The following ADH6 variants were observed in gnomAD, a reference collection of about 807,000 sequenced individuals.
ADH6 encodes the protein alcohol dehydrogenase 6 (class V), also known as alcohol dehydrogenase 6.
A neutral mutation model predicts 36.5 loss-of-function variants in ADH6; 34 were observed. That is an observed-to-expected ratio of 0.93 (90% CI 0.71 to 1.24). The LOEUF (loss-of-function observed/expected upper bound fraction) is 1.24. Among genes scored for constraint, ADH6 ranks in the 50% most tolerant of loss-of-function variants. The pLI, the probability that ADH6 is intolerant of heterozygous loss-of-function variation, is 0.00. For synonymous variants in ADH6, 161 were observed against 155.5 expected (o/e 1.04, Z -0.26); for missense variants, 440 against 447.0 (o/e 0.98, Z 0.14).
At chr4:99,214,910 G>A (rs1323689871) in intron 2 of ADH6, among the ~76,000 whole-genome samples, 2 of 152,088 alleles carry the variant, frequency 1.3e-5, no homozygotes, top group Non-Finnish European at 2.9e-5. Context: ...GATTCAATAT[G>A]GGCATAGTTG....
In ADH6 at chr4:99,208,917, A is replaced by T; in HGVS notation, c.579T>A (p.Gly193=). Residue 193 remains glycine, a synonymous_variant, in exon 6 of 9, where the codon GGT becomes GGA. Transcript: ENST00000394899. The part of the protein sequence containing the change: ...AAINTAKVTP[G]STCAVFGLGG... Reference sequence around the variant, plus strand: ...CCAGGCCAAACACAGCACAGGTAGAACCTGGAGTCACCTAAACACATACAG... The same window carrying T: ...CCAGGCCAAACACAGCACAGGTAGATCCTGGAGTCACCTAAACACATACAG... The T allele has an allele frequency of 6.2e-7, 1 of 1,613,040 alleles. No homozygotes were observed.
At chr4:99,214,255 G>A (rs1402644938) in intron 2 of ADH6, among the ~76,000 whole-genome samples, 1 of 152,098 alleles carries the variant, frequency 6.6e-6, no homozygotes, top group Non-Finnish European at 1.5e-5. Flanking sequence ...AGCCAGGCAT[G>A]GTTGCATGCA....
chr4:99,206,614 T>C (rs190856636), intron 7 of ADH6, among the ~76,000 whole-genome samples: 23 of 152,016 alleles, frequency 1.5e-4, no homozygotes, highest in African/African-American at 5.5e-4. Context: ...TCTTTATAAA[T>C]GAATTAGGTA....
intron 8 of ADH6, chr4:99,204,622 A>T (rs1730954848): frequency 8.5e-7 from 1 of 1,173,756 alleles, no homozygotes; most frequent in African/African-American, 1.6e-5. Context: ...CTTGAGCTAC[A>T]ATTTTATAAG....
chr4:99,210,328 CA>C (rs770582270), intron 4 of ADH6, 30 bp from the exon 5 acceptor site: 2 of 1,604,746 alleles, frequency 1.2e-6, no homozygotes, highest in Non-Finnish European at 1.7e-6. Flanking sequence ...AAACAAAACA[CA>C]AAGTTTATTT....
intron 3 of ADH6, among the ~76,000 whole-genome samples, chr4:99,212,115 T>C (rs188819507): frequency 1.3e-5 from 2 of 152,204 alleles, no homozygotes; most frequent in Admixed American, 1.3e-4. Flanking sequence ...CAATAGAAAA[T>C]GAGTACATGA....
chr4:99,205,032 C>A lies in ADH6; in HGVS notation c.996G>T (p.Leu332=). 6.2e-7 allele frequency: 1 copy of A among 1,605,760 alleles called. No homozygotes were observed. The highest frequency in any genetic ancestry group is 8.5e-7 in the Non-Finnish European group (1 of 1,176,182). The part of the protein sequence containing the change: ...GWKSRQHIPK[L]VADYMAEKLN... ...ACTTCTCTGCCATATAATCAGCAAC[C>A]AGTTTAGGGATGTGCTGTCTGCTCT... Residue 332 remains leucine, a synonymous_variant, in exon 8 of 9, where the codon CTG becomes CTT. Transcript: ENST00000394899.
chr4:99,217,272 G>A (rs570782167), intron 1 of ADH6, among the ~76,000 whole-genome samples: 16 of 152,198 alleles, frequency 1.1e-4, no homozygotes, highest in Middle Eastern at 6.8e-3. Flanking sequence ...TCCTGACCTC[G>A]TGATCCGCCC....
At chr4:99,206,100 T>A (rs543110141) in intron 7 of ADH6, among the ~76,000 whole-genome samples, 28 of 152,218 alleles carry the variant, frequency 1.8e-4, no homozygotes, top group African/African-American at 6.7e-4. Flanking sequence ...CCTCCACTTT[T>A]TTTCTTATTT....
At chr4:99,217,562 C>T (rs560526845) in intron 1 of ADH6, among the ~76,000 whole-genome samples, 16 of 152,212 alleles carry the variant, frequency 1.1e-4, no homozygotes, top group East Asian at 3.9e-4. Context: ...TTCTTTTTTA[C>T]GGCTGAATAG....
chr4:99,208,255 T>G (rs1731105439), intron 6 of ADH6, among the ~76,000 whole-genome samples: 1 of 152,128 alleles, frequency 6.6e-6, no homozygotes, highest in African/African-American at 2.4e-5. Context: ...CTTTCTATTC[T>G]TTTATATAAA....
intron 1 of ADH6, 152 bp downstream of exon 1, chr4:99,218,983 A>T (rs1731544480): frequency 1.4e-6 from 1 of 708,074 alleles, no homozygotes. Context: ...GGAATTAAGG[A>T]AAAAGGAGAG....
In ADH6 at chr4:99,217,067, A is replaced by G. The variant is rs542869932; in HGVS notation, c.19-805T>C. On this transcript the variant is annotated intron_variant, in intron 1 of 8. Transcript: ENST00000394899. Reference sequence around the variant, plus strand: ...GTTTTTGTTTTTGAGATGGAGTCTCACTCTGTTGCCCAGGCTGGAGTGCAG... The same window carrying G: ...GTTTTTGTTTTTGAGATGGAGTCTCGCTCTGTTGCCCAGGCTGGAGTGCAG... Among the ~76,000 whole-genome samples the G allele has an allele frequency of 5.3e-5, 8 of 152,028 alleles. No homozygotes were observed. In the East Asian group the frequency reaches 1.4e-3, roughly 26 times the overall value.
At position 99,216,262 on chromosome 4, in the gene ADH6, C is replaced by A. The variant is rs1474736005; in HGVS notation, c.19G>T (p.Val7Phe). ...AGTATGGCTGCTTTGCATCTGATGA[C>A]CTGGGAAATAGAATACAGGGGCAGA... is the stretch of plus-strand genomic sequence containing the variant. MSTTGQ[V>F]IRCKAAILWK... is the part of the protein sequence containing the mutation. Residue 7 changes from valine to phenylalanine, a missense_variant and splice_region_variant, in exon 2 of 9, where the codon GTC (valine) becomes TTC (phenylalanine). By Grantham distance (50) the Val-to-Phe change is conservative. Transcript: ENST00000394899. 3.9e-6 allele frequency: 6 copies of A among 1,554,600 alleles called. No homozygotes were observed. Among genetic ancestry groups the A allele is most frequent in the Non-Finnish European group, 5.2e-6 (6 of 1,152,232 alleles).
chr4:99,207,525 C>A lies in ADH6; in HGVS notation c.885G>T (p.Val295=). 6.2e-7 allele frequency: 1 copy of A among 1,613,606 alleles called. No homozygotes were observed. The highest frequency in any genetic ancestry group is 8.5e-7 in the Non-Finnish European group (1 of 1,179,710). ...ESYGVCVVVG[V]LPASVQLKIS... The stretch of plus-strand genomic sequence containing the variant: ...TTTTGAGTTGAACACTGGCAGGCAA[C>A]ACCCCAACAACCACACAGACCCCAT... The change falls in exon 7 of 9, where the codon GTG becomes GTT. Residue 295 remains valine, a synonymous_variant. Transcript: ENST00000394899.
intron 1 of ADH6, among the ~76,000 whole-genome samples, chr4:99,217,139 C>T (rs1010392537): frequency 1.4e-4 from 21 of 152,064 alleles, no homozygotes; most frequent in Non-Finnish European, 3.1e-4. Context: ...GGGTTCATGC[C>T]ATTCTCCTGC....
intron 2 of ADH6, among the ~76,000 whole-genome samples, chr4:99,214,653 T>G (rs922922690): frequency 6.6e-6 from 1 of 152,170 alleles, no homozygotes; most frequent in Non-Finnish European, 1.5e-5. Flanking sequence ...AATTTTTCTT[T>G]CTGGGTCTCA....
At chr4:99,205,123 AT>A in intron 7 of ADH6, 60 bp from the exon 8 acceptor site, 1 of 1,482,006 alleles carries the variant, frequency 6.7e-7, no homozygotes, top group South Asian at 1.4e-5. Flanking sequence ...AGGAAAGGTC[AT>A]TCAAAGTAAC....
Position 99,204,597 on chromosome 4 carries a change from T to TGAG in ADH6, c.1103+327_1103+328insCTC, listed in dbSNP as rs1730953960. The TGAG allele has an allele frequency of 5.1e-6, 6 of 1,175,562 alleles. No individual in the cohort carries two copies. The African/African-American group carries it at 9.5e-5, about 19-fold the overall frequency. 72.8% of individuals were successfully genotyped at this position (1,175,562 alleles called of 1,614,324 possible). On this transcript the variant is annotated intron_variant, in intron 8 of 8. Transcript: ENST00000394899. ...ACAATGGCCTATTTGTGAACTACCT[T>TGAG]CTTATGTTTTTAAACTTGAGCTACA...
Sources: gnomAD v4.1 joint callset for allele counts (sites outside exome capture counted in the v4.1 genomes callset) on GRCh38, gnomAD v4.1.1 for gene constraint, MANE v1.5 for transcripts, NCBI Gene and HGNC (gene_info 2026-07-23, HGNC 2026-07-21) for gene names.